DIP2C: variants seen among roughly 807,000 people sequenced by gnomAD.
DIP2C encodes DIP2 acetate--CoA ligase C (putative).
Under a neutral mutation model 192.4 loss-of-function variants are expected in DIP2C, and 33 were observed. That is an observed-to-expected ratio of 0.17 (90% CI 0.13 to 0.23). The LOEUF (loss-of-function observed/expected upper bound fraction) is 0.23. Among genes scored for constraint, DIP2C ranks in the 10% least tolerant of loss-of-function variants. DIP2C has a pLI of 1.00. For missense variants in DIP2C, 1,537 were observed against 2,110.1 expected (o/e 0.73, Z 5.32); for synonymous variants, 979 against 864.1 (o/e 1.13, Z -2.33).
chr10:411,725 G>A lies in DIP2C; in HGVS notation c.1057+2188C>T, dbSNP rs916190403. Among the ~76,000 whole-genome samples the A allele has an allele frequency of 7.9e-5, 12 of 152,110 alleles. No individual in the cohort carries two copies. The East Asian group carries it at 1.5e-3, about 20-fold the overall frequency. On this transcript the variant is annotated intron_variant, in intron 8 of 36. Transcript: ENST00000280886. ...CTCAGTATTAGAACAATTCTCATTCGATACCAAATCACTCAGTATTAGAAC... is the reference window on the plus strand; with the variant it reads ...CTCAGTATTAGAACAATTCTCATTCAATACCAAATCACTCAGTATTAGAAC...
chr10:375,963 G>A (rs1961529001), intron 17 of DIP2C, among the ~76,000 whole-genome samples: 1 of 152,184 alleles, frequency 6.6e-6, no homozygotes, highest in Admixed American at 6.5e-5. Context: ...TTAAGCTGCA[G>A]GCCCCTCCTC....
At chr10:618,065 C>T (rs945148916) in intron 1 of DIP2C, among the ~76,000 whole-genome samples, 1 of 152,214 alleles carries the variant, frequency 6.6e-6, no homozygotes, top group African/African-American at 2.4e-5. Flanking sequence ...TTCCAAAATA[C>T]TCTTTCAGAA....
intron 1 of DIP2C, among the ~76,000 whole-genome samples, chr10:569,493 C>G (rs1235458337): frequency 6.6e-6 from 1 of 152,144 alleles, no homozygotes; most frequent in Non-Finnish European, 1.5e-5. Context: ...TGAACTAGCT[C>G]AAACTCAAAC....
rs113042949 is a variant in DIP2C at position 327,959 on chromosome 10, GA to G, written c.3754-784del. ...TGGCACTACCTGGGCCGAGCAGAGGGAAAGTAAGGGAGCGACAGGAATGGCT... is the reference window on the plus strand; with the variant it reads ...TGGCACTACCTGGGCCGAGCAGAGGGAAGTAAGGGAGCGACAGGAATGGCT... On this transcript the variant is annotated intron_variant, in intron 30 of 36. Transcript: ENST00000280886. Among the ~76,000 whole-genome samples, 244 of 152,332 alleles carry G rather than the reference GA, an allele frequency of 1.6e-3. 1 individual carries two copies. The highest frequency in any genetic ancestry group is 5.7e-3 in the African/African-American group (238 of 41,580).
At chr10:415,952 C>T in intron 6 of DIP2C, 64 bp from the exon 7 acceptor site, 1 of 1,601,332 alleles carries the variant, frequency 6.2e-7, no homozygotes, top group South Asian at 1.1e-5. Context: ...CACCCACAGT[C>T]CCACAGTCCC....
intron 17 of DIP2C, among the ~76,000 whole-genome samples, chr10:382,391 C>T (rs141280609): frequency 1.3e-5 from 2 of 152,284 alleles, no homozygotes; most frequent in Non-Finnish European, 2.9e-5. Context: ...CGATTCCATG[C>T]GCCTCTAGAC....
chr10:679,399 G>C (rs1329533302), intron 1 of DIP2C, among the ~76,000 whole-genome samples: 1 of 21,142 alleles, frequency 4.7e-5, no homozygotes, highest in Non-Finnish European at 9.6e-5. Context: ...CCGCGCCCAT[G>C]CTCCCCACAC....
chr10:507,367 A>G (rs1209638947), intron 1 of DIP2C, among the ~76,000 whole-genome samples: 1 of 151,400 alleles, frequency 6.6e-6, no homozygotes, highest in Non-Finnish European at 1.5e-5. Flanking sequence ...GTCCAACCAG[A>G]GCTGTGCGAG....
chr10:567,117 C>T (rs1849506498), intron 1 of DIP2C, among the ~76,000 whole-genome samples: 2 of 152,162 alleles, frequency 1.3e-5, no homozygotes, highest in South Asian at 4.1e-4. Context: ...ATCCAGGGCC[C>T]ATCTCAGAGC....
At chr10:555,360 G>A (rs775140180) in intron 1 of DIP2C, among the ~76,000 whole-genome samples, 2 of 152,134 alleles carry the variant, frequency 1.3e-5, no homozygotes, top group African/African-American at 2.4e-5. Context: ...GGACAACATC[G>A]TGCGTCGGAA....
chr10:360,098 GC>G, intron 22 of DIP2C, among the ~76,000 whole-genome samples: 1 of 152,286 alleles, frequency 6.6e-6, no homozygotes, highest in African/African-American at 2.4e-5. Context: ...TTTTTGTGGA[GC>G]CTTATTTTGT....
At chr10:549,973 C>T (rs1252618564) in intron 1 of DIP2C, among the ~76,000 whole-genome samples, 2 of 149,328 alleles carry the variant, frequency 1.3e-5, no homozygotes, top group Non-Finnish European at 3.0e-5. Flanking sequence ...TGGAACCATG[C>T]GGTGTCCTAC....
rs1965003030 is a variant in DIP2C at position 408,994 on chromosome 10, T to C, written c.1081A>G (p.Lys361Glu). ...TTGTGTAGAATGCTGTAAGCGACCT[T>C]CATACTTCTTGTCCACAGCTTGCCT... ...TYGKLWTRSM[K>E]VAYSILHKLG... Residue 361 changes from lysine to glutamate, a missense_variant, in exon 9 of 37, where the codon AAG becomes GAG. Transcript: ENST00000280886. 1 of 1,614,070 alleles carries C rather than the reference T, an allele frequency of 6.2e-7. No individual in the cohort carries two copies. Among genetic ancestry groups the C allele is most frequent in the South Asian group, 1.1e-5 (1 of 91,080 alleles).
chr10:600,494 G>C (rs1851988840), intron 1 of DIP2C, among the ~76,000 whole-genome samples: 1 of 150,592 alleles, frequency 6.6e-6, no homozygotes, highest in South Asian at 2.1e-4. Context: ...CGACGGCCCA[G>C]GGTGTTCGGA....
intron 1 of DIP2C, among the ~76,000 whole-genome samples, chr10:624,634 T>G (rs926196647): frequency 2.6e-5 from 4 of 151,906 alleles, no homozygotes; most frequent in African/African-American, 9.7e-5. Flanking sequence ...GGCTCCAAAG[T>G]CCCACGGAGG....
rs1002927860 is a variant in DIP2C, at chr10:636,162, A to T, written c.85+53332T>A. ...ACAAGGAAAACTAGGTGGTGAACCCAGGAGGAGGAAATCCCCACAAGTCGA... is the reference window on the plus strand; with the variant it reads ...ACAAGGAAAACTAGGTGGTGAACCCTGGAGGAGGAAATCCCCACAAGTCGA... On this transcript the variant is annotated intron_variant, in intron 1 of 36. Coordinates refer to ENST00000280886, the MANE Select transcript of DIP2C (RefSeq NM_014974.3). The surrounding 1 kb of genome is among the most constrained non-coding windows in gnomAD (Gnocchi z 4.6). Among the ~76,000 whole-genome samples, 2 of 152,340 alleles carry T rather than the reference A, an allele frequency of 1.3e-5. No homozygotes were observed. The highest frequency in any genetic ancestry group is 1.9e-4 in the East Asian group (1 of 5,186).
chr10:489,714 G>T, intron 1 of DIP2C, among the ~76,000 whole-genome samples: 1 of 108,164 alleles, frequency 9.2e-6, no homozygotes, highest in East Asian at 3.3e-4. Flanking sequence ...CTCTGACGGT[G>T]CCCGGGGCTT....
chr10:630,883 C>T (rs531252918), intron 1 of DIP2C: 1 of 152,434 alleles, frequency 6.6e-6, no homozygotes, highest in Non-Finnish European at 1.5e-5. Flanking sequence ...AACGGCAGGG[C>T]CCGGCCCTTG....
At chr10:376,378 T>A (rs2132837443) in intron 17 of DIP2C, among the ~76,000 whole-genome samples, 1 of 152,142 alleles carries the variant, frequency 6.6e-6, no homozygotes, top group South Asian at 2.1e-4. Context: ...GAGGTGGTGC[T>A]CATCCCACAC....
Sources: allele counts gnomAD v4.1 joint callset (sites outside exome capture counted in the v4.1 genomes callset), GRCh38; gene constraint gnomAD v4.1.1; non-coding constraint Gnocchi (gnomAD v3.1); transcripts MANE v1.5; gene names NCBI Gene and HGNC (gene_info 2026-07-23, HGNC 2026-07-21).